CYP4F22: variants seen among roughly 807,000 people sequenced by gnomAD.
CYP4F22 encodes cytochrome P450 family 4 subfamily F member 22.
A neutral mutation model predicts 60.4 loss-of-function variants in CYP4F22; 37 were observed. The observed-to-expected ratio is 0.61, with a 90% CI of 0.47 to 0.81. The LOEUF (loss-of-function observed/expected upper bound fraction) is 0.81, where lower values mean the gene tolerates loss of function less well. Among genes scored for constraint, CYP4F22 ranks in the 30% least tolerant of loss-of-function variants. CYP4F22 has a pLI of 0.00. For missense variants in CYP4F22, 655 were observed against 715.0 expected, an observed-to-expected ratio of 0.92 and a Z score of 0.96; for synonymous variants, 258 against 280.5, an observed-to-expected ratio of 0.92 and a Z score of 0.80.
At chr19:15,549,993 A>G (rs1222723827) in intron 12 of CYP4F22, among the ~76,000 whole-genome samples, 1 of 152,030 alleles carries the variant, frequency 6.6e-6, no homozygotes, top group Non-Finnish European at 1.5e-5. Context: ...CAGTGGTGCG[A>G]TCTTGGCTCA....
intron 10 of CYP4F22, among the ~76,000 whole-genome samples, chr19:15,547,018 G>GTTTTGTTTTTTTTTT (rs1555730099): frequency 1.2e-5 from 1 of 82,330 alleles, no homozygotes; most frequent in African/African-American, 5.7e-5. Flanking sequence ...GCCTGCACCA[G>GTTTTGTTTTTTTTTT]TTTTTTTTTT....
intron 4 of CYP4F22, among the ~76,000 whole-genome samples, chr19:15,531,676 A>G (rs899636566): frequency 6.6e-6 from 1 of 152,222 alleles, no homozygotes; most frequent in Non-Finnish European, 1.5e-5. Flanking sequence ...GCCCTGGGCC[A>G]GGACTGAGGT....
At position 15,525,350 on chromosome 19, in the gene CYP4F22, C is replaced by T. The variant is rs374502872; in HGVS notation, c.14C>T (p.Thr5Ile). MLPI[T>I]DRLLHLLGLE... is the part of the protein sequence containing the mutation. ...TGTGTCCCCAGGATGCTGCCCATCACAGACCGCCTGCTGCACCTCCTGGGG... is the reference window on the plus strand; with the variant it reads ...TGTGTCCCCAGGATGCTGCCCATCATAGACCGCCTGCTGCACCTCCTGGGG... Residue 5 changes from threonine to isoleucine, a missense_variant, in exon 3 of 14, where the codon ACA becomes ATA. By Grantham distance (89) the Thr-to-Ile change is moderately conservative. Around this residue, in one of 3 missense-constraint regions of CYP4F22, gnomAD observed 430 missense variants for 457.1 expected, o/e 0.94. Coordinates refer to ENST00000269703, the MANE Select transcript of CYP4F22 (RefSeq NM_173483.4). 27 of 1,613,606 alleles carry T rather than the reference C, an allele frequency of 1.7e-5. No individual in the cohort carries two copies. The African/African-American group carries it at 3.5e-4, about 21-fold the overall frequency.
At chr19:15,539,521 T>C (rs1195368274) in intron 7 of CYP4F22, among the ~76,000 whole-genome samples, 1 of 152,244 alleles carries the variant, frequency 6.6e-6, no homozygotes, top group Non-Finnish European at 1.5e-5. Flanking sequence ...TGTGTGAACA[T>C]ACATTTTTAA....
Position 15,537,946 on chromosome 19 carries a change from G to A in CYP4F22, c.624G>A (p.Leu208=), listed in dbSNP as rs753177417. The change falls in exon 7 of 14, where the codon CTG becomes CTA. Residue 208 remains leucine (L), a synonymous_variant. Coordinates refer to ENST00000269703, the MANE Select transcript of CYP4F22 (RefSeq NM_173483.4). Reference sequence around the variant, plus strand: ...TTGAGCATATCAGCCTCATGACCCTGGACAGTCTTCAGAAATGTGTCTTCA... The same window carrying A: ...TTGAGCATATCAGCCTCATGACCCTAGACAGTCTTCAGAAATGTGTCTTCA... The part of the protein sequence containing the change: ...DMFEHISLMT[L]DSLQKCVFSY... The A allele has an allele frequency of 3.7e-6, 6 of 1,614,134 alleles. No homozygotes were observed. The highest frequency in any genetic ancestry group is 5.1e-6 in the Non-Finnish European group (6 of 1,180,014).
In CYP4F22 at chr19:15,540,737, A is replaced by AG. The variant is rs776637416; in HGVS notation, c.939+20_939+21insG. ...GCCAGGGTGAGGCTGGGCCCCCTGGAATTGCTGGCCTCCCGAGGGCTGGCC... is the reference window on the plus strand; with the variant it reads ...GCCAGGGTGAGGCTGGGCCCCCTGGAGATTGCTGGCCTCCCGAGGGCTGGCC... On this transcript the variant is annotated intron_variant, in intron 8 of 13. Transcript: ENST00000269703. The AG allele has an allele frequency of 8.1e-6, 13 of 1,612,170 alleles. No individual in the cohort carries two copies. Among genetic ancestry groups the AG allele is most frequent in the Non-Finnish European group, 1.1e-5 (13 of 1,178,942 alleles).
At chr19:15,523,384 C>G (rs747674175) in intron 1 of CYP4F22, among the ~76,000 whole-genome samples, 2 of 150,688 alleles carry the variant, frequency 1.3e-5, no homozygotes, top group Admixed American at 1.3e-4. Context: ...AAAAAACTCA[C>G]AACAAGATCC....
chr19:15,515,532 C>T (rs1163916405), intron 1 of CYP4F22: 2 of 619,652 alleles, frequency 3.2e-6, no homozygotes, highest in Non-Finnish European at 6.2e-6. Context: ...CAAGACCAGC[C>T]TGGCCAATAT....
intron 1 of CYP4F22, among the ~76,000 whole-genome samples, chr19:15,520,029 A>G (rs1008231204): frequency 3.3e-5 from 5 of 152,138 alleles, no homozygotes; most frequent in Admixed American, 2.6e-4. Flanking sequence ...GTGCGCGTGC[A>G]CAAGTACATG....
At chr19:15,545,501 T>A (rs1971511862) in intron 10 of CYP4F22, among the ~76,000 whole-genome samples, 1 of 151,040 alleles carries the variant, frequency 6.6e-6, no homozygotes, top group Non-Finnish European at 1.5e-5. Flanking sequence ...ATACAAAAAT[T>A]AGCTGGGTGG....
intron 1 of CYP4F22, among the ~76,000 whole-genome samples, chr19:15,519,656 T>C (rs775193937): frequency 4.6e-5 from 7 of 152,016 alleles, no homozygotes; most frequent in Non-Finnish European, 8.8e-5. Flanking sequence ...TAGGGAGCCA[T>C]GCAGGGTGTT....
intron 1 of CYP4F22, among the ~76,000 whole-genome samples, chr19:15,513,663 C>G (rs1971121160): frequency 6.6e-6 from 1 of 152,078 alleles, no homozygotes; most frequent in South Asian, 2.1e-4. Context: ...CACGCCCAGC[C>G]TAATTTTTTT....
At chr19:15,526,254 G>A (rs1971281733) in intron 3 of CYP4F22, among the ~76,000 whole-genome samples, 1 of 152,152 alleles carries the variant, frequency 6.6e-6, no homozygotes, top group East Asian at 1.9e-4. Flanking sequence ...GAATCCCAGG[G>A]CAGGGTTGGA....
chr19:15,537,895 G>C lies in CYP4F22; in HGVS notation c.573G>C (p.Glu191Asp). 1.3e-5 allele frequency: 21 copies of C among 1,614,082 alleles called. No individual in the cohort carries two copies. Among genetic ancestry groups the C allele is most frequent in the Non-Finnish European group, 1.8e-5 (21 of 1,180,034 alleles). The change falls in exon 7 of 14, where the codon GAG becomes GAC. Residue 191 changes from glutamate (E) to aspartate (D), a missense_variant. Glu to Asp is a conservative substitution (Grantham distance 45). This residue lies in a region of CYP4F22 where 430 missense variants were observed against 457.1 expected (regional missense o/e 0.94). Coordinates refer to ENST00000269703, the MANE Select transcript of CYP4F22 (RefSeq NM_173483.4). ...AGGCTAAATGGCGGCATCTGGCAGAGGGCTCAGCGGTCTCCCTTGATATGT... is the reference window on the plus strand; with the variant it reads ...AGGCTAAATGGCGGCATCTGGCAGACGGCTCAGCGGTCTCCCTTGATATGT... ...IMHAKWRHLA[E>D]GSAVSLDMFE... is the part of the protein sequence containing the mutation.
chr19:15,542,564 A>C (rs1971475952), intron 8 of CYP4F22, among the ~76,000 whole-genome samples: 2 of 152,178 alleles, frequency 1.3e-5, no homozygotes, highest in Non-Finnish European at 2.9e-5. Context: ...ATTAAATGGA[A>C]AGTTCAAGGA....
intron 1 of CYP4F22, among the ~76,000 whole-genome samples, 185 bp downstream of exon 1, chr19:15,508,768 C>T (rs1440943997): frequency 6.6e-6 from 1 of 151,442 alleles, no homozygotes; most frequent in East Asian, 1.9e-4. Flanking sequence ...CCGGGGCACT[C>T]GTGGGGAGAG....
rs1170213662 is a variant in CYP4F22 at position 15,518,647 on chromosome 19, C to T, written c.-108-5046C>T. 2.1e-4 allele frequency among the ~76,000 whole-genome samples: 5 copies of T among 23,514 alleles called. No individual in the cohort carries two copies. In the East Asian group the frequency reaches 6.2e-3, roughly 29 times the overall value. 15.4% of individuals were successfully genotyped at this position (23,514 alleles called of 152,430 possible). ...CTGGCGACAGAATGAGACTTTGTCT[C>T]AAAAAAAAAAAAAAAAAAAAAAGAA... On this transcript the variant is annotated intron_variant, in intron 1 of 13. Transcript: ENST00000269703.
At position 15,525,514 on chromosome 19, in the gene CYP4F22, C is replaced by T. The variant is rs770947816; in HGVS notation, c.178C>T (p.Pro60Ser). The change falls in exon 3 of 14, where the codon CCC (proline) becomes TCC (serine). Residue 60 changes from proline (P) to serine (S), a missense_variant. Coordinates refer to ENST00000269703, the MANE Select transcript of CYP4F22 (RefSeq NM_173483.4). ...CACCTGCCGCCGGCTGCGCTGCTTC[C>T]CCCAGCCTCCCCGGCGCAACTGGCT... Reference protein sequence around the residue: ...YITCRRLRCFPQPPRRNWLLG... With the variant: ...YITCRRLRCFSQPPRRNWLLG... The T allele has an allele frequency of 1.9e-5, 30 of 1,612,316 alleles. No homozygotes were observed. The South Asian group carries it at 3.1e-4, about 17-fold the overall frequency.
chr19:15,520,961 G>T (rs1264984851), intron 1 of CYP4F22, among the ~76,000 whole-genome samples: 1 of 151,844 alleles, frequency 6.6e-6, no homozygotes, highest in Non-Finnish European at 1.5e-5. Flanking sequence ...TAGAGACGGG[G>T]TTTCACCATG....
Sources: allele counts gnomAD v4.1 joint callset (sites outside exome capture counted in the v4.1 genomes callset), GRCh38; gene constraint gnomAD v4.1.1; regional missense constraint gnomAD v4.1.1; transcripts MANE v1.5; gene names NCBI Gene and HGNC (gene_info 2026-07-23, HGNC 2026-07-21).